Variants in TTK observed in about 807,000 individuals in gnomAD.
The protein encoded by TTK is TTK protein kinase.
Under a neutral mutation model 117.3 loss-of-function variants are expected in TTK, and 59 were observed. The ratio of observed to expected loss-of-function variants is 0.50; its 90% CI spans 0.41 to 0.62. The LOEUF (loss-of-function observed/expected upper bound fraction) is 0.62, where lower values mean the gene tolerates loss of function less well. Among genes scored for constraint, TTK ranks in the 20% least tolerant of loss-of-function variants. The pLI is 0.00. For missense variants in TTK, 921 were observed against 989.4 expected (o/e 0.93, Z 0.93); for synonymous variants, 302 against 325.0 (o/e 0.93, Z 0.76).
At chr6:80,039,322 C>T (rs1767985167) in intron 18 of TTK, among the ~76,000 whole-genome samples, 1 of 151,762 alleles carries the variant, frequency 6.6e-6, no homozygotes, top group Admixed American at 6.6e-5. Flanking sequence ...ATTTAAGCAA[C>T]CTTTGAAACT....
chr6:80,039,970 A>G (rs1768003617), intron 19 of TTK, 98 bp downstream of exon 19: 2 of 1,100,680 alleles, frequency 1.8e-6, no homozygotes. Flanking sequence ...TCTATTCAAA[A>G]GAATTGCTAA....
chr6:80,011,635 A>G, intron 6 of TTK, 87 bp downstream of exon 6: 1 of 1,538,768 alleles, frequency 6.5e-7, no homozygotes. Context: ...ATCTGCATAT[A>G]TGTTTTCATG....
At chr6:80,021,753 G>A (rs748000846) in intron 10 of TTK, among the ~76,000 whole-genome samples, 12 of 152,088 alleles carry the variant, frequency 7.9e-5, no homozygotes, top group African/African-American at 1.9e-4. Context: ...CTAACTGTTC[G>A]AAACTCCCCC....
intron 2 of TTK, chr6:80,006,297 G>T: frequency 1.1e-5 from 3 of 284,042 alleles, no homozygotes; most frequent in Admixed American, 5.0e-5. Context: ...TATTTCAAAT[G>T]GTTGGTCATT....
In TTK at chr6:80,010,916, A is replaced by G; in HGVS notation, c.572A>G (p.Lys191Arg). Residue 191 changes from lysine (K) to arginine (R), a missense_variant, in exon 5 of 22, where the codon AAA (lysine) becomes AGA (arginine). Coordinates refer to ENST00000369798, the MANE Select transcript of TTK (RefSeq NM_003318.5). The stretch of plus-strand genomic sequence containing the variant: ...GCCCTGCGGAATTTAAACCTCCAAA[A>G]AAAGCAGCTGCTTTCAGAGGAGGAA... Reference protein sequence around the residue: ...EIALRNLNLQKKQLLSEEEKK... With the variant: ...EIALRNLNLQRKQLLSEEEKK... 1 of 1,612,434 alleles carries G rather than the reference A, an allele frequency of 6.2e-7. No individual in the cohort carries two copies.
Position 80,026,396 on chromosome 6 carries a change from G to A in TTK, c.1276G>A (p.Glu426Lys), listed in dbSNP as rs771116223. 1 of 1,612,634 alleles carries A rather than the reference G, an allele frequency of 6.2e-7. No homozygotes were observed. The highest frequency in any genetic ancestry group is 1.7e-5 in the Admixed American group (1 of 59,812). The change falls in exon 12 of 22, where the codon GAG becomes AAG. Residue 426 changes from glutamate to lysine, a missense_variant. By Grantham distance (56) the Glu-to-Lys change is moderately conservative. Transcript: ENST00000369798. ...VNTEQKHTTF[E>K]QPVFSVSKQS... ...GTTTTAGCAGAAACATACCACTTTTGAGCAACCTGTCTTTTCAGTTTCAAA... is the reference window on the plus strand; with the variant it reads ...GTTTTAGCAGAAACATACCACTTTTAAGCAACCTGTCTTTTCAGTTTCAAA...
intron 11 of TTK, among the ~76,000 whole-genome samples, chr6:80,024,053 A>G (rs1767539853): frequency 6.6e-6 from 1 of 152,238 alleles, no homozygotes; most frequent in Non-Finnish European, 1.5e-5. Context: ...AAGCAAAACC[A>G]TAATTAGATA....
intron 3 of TTK, 77 bp downstream of exon 3, chr6:80,008,108 A>G (rs1767045053): frequency 2.1e-6 from 3 of 1,462,188 alleles, no homozygotes; most frequent in Non-Finnish European, 2.8e-6. Context: ...AAAATAAAAA[A>G]CATGGCAGTA....
chr6:80,018,690 A>G (rs116928608), intron 10 of TTK, among the ~76,000 whole-genome samples: 2,817 of 149,638 alleles, frequency 0.019, 32 homozygotes, highest in Non-Finnish European at 0.032. Context: ...TTTCTTTTCT[A>G]TGCCTTGTTA....
Position 80,011,484 on chromosome 6 carries a change from T to G in TTK, c.664T>G (p.Leu222Val), listed in dbSNP as rs1243462256. The change falls in exon 6 of 22, where the codon TTA becomes GTA. Residue 222 changes from leucine to valine, a missense_variant. Physicochemically the swap from Leu to Val is conservative, Grantham distance 32. Transcript: ENST00000369798. ...ATCATTTTCCGGTTCACTTGGGCAT[T>G]TACAGAATAGGAACAACAGTTGTGA... is the stretch of plus-strand genomic sequence containing the variant. ...QESFSGSLGH[L>V]QNRNNSCDSR... 3 of 1,609,060 alleles carry G rather than the reference T, an allele frequency of 1.9e-6. No homozygotes were observed. The Admixed American group carries it at 5.1e-5, about 27-fold the overall frequency.
intron 20 of TTK, 64 bp downstream of exon 20, chr6:80,040,344 A>G: frequency 7.5e-7 from 1 of 1,327,620 alleles, no homozygotes; most frequent in African/African-American, 1.5e-5. Flanking sequence ...GTTACCTATT[A>G]ATATAACAAA....
chr6:80,008,070 A>G (rs1436021851), intron 3 of TTK, 39 bp downstream of exon 3: 3 of 1,591,888 alleles, frequency 1.9e-6, no homozygotes, highest in Non-Finnish European at 2.6e-6. Context: ...ACTATGTTAC[A>G]TAATATGTAA....
At chr6:80,018,852 G>A (rs879838913) in intron 10 of TTK, among the ~76,000 whole-genome samples, 1 of 152,012 alleles carries the variant, frequency 6.6e-6, no homozygotes, top group South Asian at 2.1e-4. Flanking sequence ...GTCAGATTGA[G>A]TAAGTTCTGT....
intron 14 of TTK, among the ~76,000 whole-genome samples, chr6:80,034,697 A>G (rs199913662): frequency 2.6e-5 from 4 of 152,254 alleles, no homozygotes; most frequent in African/African-American, 9.6e-5. Flanking sequence ...ACAGATTGTT[A>G]TATATATCTG....
At chr6:80,041,452 G>T (rs1048575585) in intron 21 of TTK, among the ~76,000 whole-genome samples, 1 of 151,624 alleles carries the variant, frequency 6.6e-6, no homozygotes, top group East Asian at 1.9e-4. Flanking sequence ...AATGCTAATG[G>T]CTAAATCAAT....
At chr6:80,012,398 C>T (rs1224868288) in intron 8 of TTK, among the ~76,000 whole-genome samples, 1 of 151,858 alleles carries the variant, frequency 6.6e-6, no homozygotes, top group Non-Finnish European at 1.5e-5. Flanking sequence ...GATGATTATT[C>T]TTTTGCTTGA....
intron 16 of TTK, 136 bp downstream of exon 16, chr6:80,035,553 T>A (rs1192671933): frequency 1.0e-6 from 1 of 974,066 alleles, no homozygotes; most frequent in Non-Finnish European, 1.4e-6. Context: ...AGAAGTTTAT[T>A]TAAAGATAAA....
intron 10 of TTK, among the ~76,000 whole-genome samples, chr6:80,018,827 T>G (rs1767383992): frequency 6.6e-6 from 1 of 152,148 alleles, no homozygotes; most frequent in African/African-American, 2.4e-5. Context: ...CTGTAGAGTT[T>G]TGTCCCTACT....
chr6:80,018,364 C>T (rs1384647764), intron 10 of TTK, among the ~76,000 whole-genome samples: 2 of 151,740 alleles, frequency 1.3e-5, no homozygotes, highest in Non-Finnish European at 2.9e-5. Flanking sequence ...ACCTGTAATC[C>T]CAGCACTTTG....
Sources: gnomAD v4.1 joint callset for allele counts (sites outside exome capture counted in the v4.1 genomes callset) on GRCh38, gnomAD v4.1.1 for gene constraint, MANE v1.5 for transcripts, NCBI Gene and HGNC (gene_info 2026-07-23, HGNC 2026-07-21) for gene names.